TFG: variants seen among roughly 807,000 people sequenced by gnomAD.
TFG encodes protein TFG.
Under a neutral mutation model 51.4 loss-of-function variants are expected in TFG, and 22 were observed. That is an observed-to-expected ratio of 0.43 (90% CI 0.31 to 0.61). The LOEUF is 0.61. Among genes scored for constraint, TFG ranks in the 20% least tolerant of loss-of-function variants. TFG has a pLI of 0.12. For synonymous variants in TFG, 187 were observed against 165.6 expected (o/e 1.13, Z -0.99); for missense variants, 419 against 487.7 (o/e 0.86, Z 1.33).
rs556802342 is a variant in TFG, at chr3:100,710,479, G to A, written c.-44+758G>A. On this transcript the variant is annotated intron_variant, in intron 1 of 7. Transcript: ENST00000240851. ...TTGAGGCAGGGTTTGAGGCCTCTTG[G>A]CATTCTTTAGAATAATTACAGGTTG... Among the ~76,000 whole-genome samples, 5 of 152,288 alleles carry A rather than the reference G, an allele frequency of 3.3e-5. No homozygotes were observed. The South Asian group carries it at 1.0e-3, about 32-fold the overall frequency.
chr3:100,741,175 AAAAC>A (rs1394354200), intron 6 of TFG, among the ~76,000 whole-genome samples: 1 of 152,198 alleles, frequency 6.6e-6, no homozygotes, highest in Non-Finnish European at 1.5e-5. Flanking sequence ...TATTTAAAAA[AAAAC>A]AAAGCTGTAG....
chr3:100,720,712 T>C (rs2095058355), intron 3 of TFG, among the ~76,000 whole-genome samples: 1 of 152,238 alleles, frequency 6.6e-6, no homozygotes, highest in Non-Finnish European at 1.5e-5. Context: ...TTAGACAGTA[T>C]TTCCCGAGGG....
intron 7 of TFG, among the ~76,000 whole-genome samples, chr3:100,746,573 A>G (rs2095135495): frequency 1.3e-5 from 2 of 152,094 alleles, no homozygotes; most frequent in Non-Finnish European, 2.9e-5. Flanking sequence ...TCCTTCACCT[A>G]AAGTTATTTA....
At position 100,748,832 on chromosome 3, in the gene TFG, A is replaced by T. The variant is rs7297; in HGVS notation, c.*301A>T. The T allele has an allele frequency of 0.37, 114,438 of 312,468 alleles. 21,898 individuals carry two copies. Among genetic ancestry groups the T allele is most frequent in the South Asian group, 0.47 (5,343 of 11,274 alleles). 19.4% of individuals were successfully genotyped at this position (312,468 alleles called of 1,614,324 possible). A position where few individuals can be genotyped will look rare whatever the true frequency, so the allele number is the denominator to read the frequency against. On this transcript the variant is annotated 3_prime_UTR_variant, in exon 8 of 8. Coordinates refer to ENST00000240851, the MANE Select transcript of TFG (RefSeq NM_006070.6). The stretch of plus-strand genomic sequence containing the variant: ...CTTGTCCGGAGGATATTAAAATGCT[A>T]GGGTGAGGTTTAGCCATCTTACTTG...
At position 100,713,910 on chromosome 3, in the gene TFG, A is replaced by T. The variant is rs773643503; in HGVS notation, c.184+41A>T. ...AAGCTATTTTTTAAAGTCTTTTTAA[A>T]AAAAAAAAAAAAAAGACAGAGCCTC... On this transcript the variant is annotated intron_variant, in intron 2 of 7. Coordinates refer to ENST00000240851, the MANE Select transcript of TFG (RefSeq NM_006070.6). 4.3e-3 allele frequency: 4,450 copies of T among 1,027,302 alleles called. 19 individuals carry two copies. The highest frequency in any genetic ancestry group is 8.8e-3 in the Admixed American group (276 of 31,414). 63.6% of individuals were successfully genotyped at this position (1,027,302 alleles called of 1,614,324 possible). A position where few individuals can be genotyped will look rare whatever the true frequency, so the allele number is the denominator to read the frequency against.
intron 6 of TFG, chr3:100,742,980 G>A (rs1415051105): frequency 6.6e-6 from 1 of 151,876 alleles, no homozygotes; most frequent in East Asian, 1.9e-4. Context: ...CTTACTCATT[G>A]ATGACCACAG....
intron 2 of TFG, among the ~76,000 whole-genome samples, chr3:100,716,065 T>A (rs1423374675): frequency 6.6e-6 from 1 of 152,208 alleles, no homozygotes; most frequent in Non-Finnish European, 1.5e-5. Flanking sequence ...TTCTTTGGGT[T>A]AGAAACATTC....
At chr3:100,718,618 G>T (rs2455874) in intron 2 of TFG, among the ~76,000 whole-genome samples, 146,072 of 146,072 alleles carry the variant, frequency 1, 73,036 homozygotes, top group Non-Finnish European at 1. Flanking sequence ...AGTACAGTGG[G>T]GTGATCTTGG....
chr3:100,715,720 C>A (rs2095043880), intron 2 of TFG, among the ~76,000 whole-genome samples: 1 of 151,546 alleles, frequency 6.6e-6, no homozygotes, highest in Admixed American at 6.6e-5. Flanking sequence ...TTAATTTGAT[C>A]AGTGAATTTT....
At chr3:100,713,425 T>A (rs1355970145) in intron 1 of TFG, among the ~76,000 whole-genome samples, 3 of 152,152 alleles carry the variant, frequency 2.0e-5, no homozygotes, top group African/African-American at 7.2e-5. Flanking sequence ...AGATGAACAG[T>A]TAAATATGAG....
intron 3 of TFG, among the ~76,000 whole-genome samples, chr3:100,722,588 A>C (rs930889023): frequency 6.6e-6 from 1 of 152,234 alleles, no homozygotes; most frequent in African/African-American, 2.4e-5. Context: ...TTGTCATGAA[A>C]CTGGAAAATG....
At chr3:100,721,068 TTAA>T (rs1176019476) in intron 3 of TFG, among the ~76,000 whole-genome samples, 17 of 152,232 alleles carry the variant, frequency 1.1e-4, no homozygotes, top group African/African-American at 3.9e-4. Context: ...AATTTAAATG[TTAA>T]TAACAAAAAC....
intron 2 of TFG, among the ~76,000 whole-genome samples, chr3:100,715,523 A>G (rs2095043346): frequency 6.6e-6 from 1 of 152,236 alleles, no homozygotes; most frequent in African/African-American, 2.4e-5. Flanking sequence ...ACTGGTGATC[A>G]GTTAAATTGA....
At chr3:100,740,706 T>C (rs189489590) in intron 6 of TFG, among the ~76,000 whole-genome samples, 48 of 152,234 alleles carry the variant, frequency 3.2e-4, no homozygotes, top group Non-Finnish European at 5.9e-4. Flanking sequence ...ATGATAGAGG[T>C]TGGCTACTCT....
At chr3:100,716,999 C>A (rs1370703229) in intron 2 of TFG, among the ~76,000 whole-genome samples, 1 of 152,152 alleles carries the variant, frequency 6.6e-6, no homozygotes, top group Non-Finnish European at 1.5e-5. Context: ...TCTCTTTTCA[C>A]TCTTGATTGT....
chr3:100,731,792 C>T (rs751847082), intron 4 of TFG, among the ~76,000 whole-genome samples: 57 of 152,110 alleles, frequency 3.7e-4, no homozygotes, highest in Non-Finnish European at 1.3e-4. Context: ...AAGTGATCTA[C>T]CCACCTCGGC....
At chr3:100,739,088 A>T (rs940247830) in intron 6 of TFG, among the ~76,000 whole-genome samples, 1 of 152,190 alleles carries the variant, frequency 6.6e-6, no homozygotes. Context: ...TTATTTATAG[A>T]TTCCCAGCAT....
At chr3:100,727,795 T>C (rs1042204159) in intron 3 of TFG, among the ~76,000 whole-genome samples, 7 of 152,190 alleles carry the variant, frequency 4.6e-5, no homozygotes, top group Non-Finnish European at 1.0e-4. Flanking sequence ...AGGACAGTCA[T>C]GATGTAGATA....
chr3:100,714,329 G>C (rs1272606261), intron 2 of TFG, among the ~76,000 whole-genome samples: 4 of 152,070 alleles, frequency 2.6e-5, no homozygotes, highest in African/African-American at 9.7e-5. Context: ...GCGAAACCCT[G>C]TCTCTACTAA....
Sources: gnomAD v4.1 joint callset for allele counts (sites outside exome capture counted in the v4.1 genomes callset) on GRCh38, gnomAD v4.1.1 for gene constraint, MANE v1.5 for transcripts, NCBI Gene and HGNC (gene_info 2026-07-23, HGNC 2026-07-21) for gene names.